ZFAT: variants seen among roughly 807,000 people sequenced by gnomAD.
ZFAT encodes zinc finger and AT-hook domain containing.
Under a neutral mutation model 117.7 loss-of-function variants are expected in ZFAT, and 64 were observed. That is an observed-to-expected ratio of 0.54 (90% CI 0.44 to 0.67). ZFAT has a LOEUF of 0.67. Ranked by LOEUF, ZFAT falls within the 30% of genes least tolerant of loss-of-function variation. The pLI is 0.00. For missense variants in ZFAT, 1,433 were observed against 1,584.5 expected (o/e 0.90, Z 1.62); for synonymous variants, 679 against 615.0 (o/e 1.10, Z -1.54).
chr8:134,543,899 C>T (rs1381852274), intron 11 of ZFAT, among the ~76,000 whole-genome samples: 1 of 152,122 alleles, frequency 6.6e-6, no homozygotes, highest in Non-Finnish European at 1.5e-5. Context: ...CCCTCTTATG[C>T]TTTGAAAGAA....
chr8:134,773,984 A>ATTTTTTTTTTTTTT, the ZFAT span, among the ~76,000 whole-genome samples: 72 of 103,280 alleles, frequency 7.0e-4, 7 homozygotes, highest in African/African-American at 2.7e-3. Flanking sequence ...TTGAGGATTA[A>ATTTTTTTTTTTTTT]TTTTTTTTTT....
chr8:134,503,649 C>T (rs1434310185), intron 15 of ZFAT, among the ~76,000 whole-genome samples: 5 of 152,140 alleles, frequency 3.3e-5, no homozygotes, highest in Admixed American at 3.3e-4. Flanking sequence ...ATCCAATCAG[C>T]TGATGGCCTA....
the ZFAT span, among the ~76,000 whole-genome samples, chr8:134,825,213 G>A: frequency 6.6e-6 from 1 of 152,204 alleles, no homozygotes; most frequent in Non-Finnish European, 1.5e-5. Context: ...ACTCTTCACA[G>A]TGAGAAGCGT....
chr8:134,809,295 A>G, the ZFAT span, among the ~76,000 whole-genome samples: 1 of 152,222 alleles, frequency 6.6e-6, no homozygotes, highest in Non-Finnish European at 1.5e-5. Flanking sequence ...GGGAGCCAGC[A>G]GTCTGTTTAA....
intron 1 of ZFAT, among the ~76,000 whole-genome samples, chr8:134,695,169 C>T (rs898251644): frequency 2.0e-5 from 3 of 152,164 alleles, no homozygotes; most frequent in Non-Finnish European, 4.4e-5. Context: ...CACTCCAGAC[C>T]CAGGGCAAGG....
chr8:134,740,975 G>A, the ZFAT span, among the ~76,000 whole-genome samples: 31 of 152,184 alleles, frequency 2.0e-4, 1 homozygote, highest in South Asian at 2.3e-3. Context: ...CTTGATGTGC[G>A]CCCTTTCTCC....
chr8:134,775,200 T>C, the ZFAT span, among the ~76,000 whole-genome samples: 1 of 152,196 alleles, frequency 6.6e-6, no homozygotes, highest in Non-Finnish European at 1.5e-5. Context: ...AATACCAATA[T>C]ATGAAGTCCC....
At chr8:134,610,736 G>A (rs748728498) in intron 3 of ZFAT, 81 bp from the exon 4 acceptor site, 43 of 1,493,656 alleles carry the variant, frequency 2.9e-5, no homozygotes, top group Non-Finnish European at 3.6e-5. Context: ...CTCTTTCACG[G>A]GACAGTAAAG....
rs1330864910 is a variant in ZFAT at position 134,610,599 on chromosome 8, C to A, written c.505G>T (p.Ala169Ser). ...KKCKEDDREK[A>S]SKRPRSQKTE... is the part of the protein sequence containing the mutation. ...TTCTGTGACCGTGGTCTTTTCGAGGCTTTTTCCCGATCATCTTCCTTACAC... is the reference window on the plus strand; with the variant it reads ...TTCTGTGACCGTGGTCTTTTCGAGGATTTTTCCCGATCATCTTCCTTACAC... Residue 169 changes from alanine (A) to serine (S), a missense_variant, in exon 4 of 16, where the codon GCC becomes TCC. By Grantham distance (99) the Ala-to-Ser change is moderately conservative. Coordinates refer to ENST00000377838, the MANE Select transcript of ZFAT (RefSeq NM_020863.4). 6.2e-7 allele frequency: 1 copy of A among 1,614,042 alleles called. No homozygotes were observed. Among genetic ancestry groups the A allele is most frequent in the African/African-American group, 1.3e-5 (1 of 74,906 alleles).
the ZFAT span, among the ~76,000 whole-genome samples, chr8:134,730,159 T>C: frequency 6.6e-6 from 1 of 152,156 alleles, no homozygotes; most frequent in Non-Finnish European, 1.5e-5. Context: ...ACAAAGGAAG[T>C]TCTGGGAATA....
intron 11 of ZFAT, among the ~76,000 whole-genome samples, chr8:134,554,486 C>T (rs1823415567): frequency 6.6e-6 from 1 of 152,186 alleles, no homozygotes; most frequent in Non-Finnish European, 1.5e-5. Context: ...ACCCATCAAC[C>T]TCTTCCCTGT....
chr8:134,534,226 T>C (rs1318141038), intron 11 of ZFAT, among the ~76,000 whole-genome samples: 2 of 152,220 alleles, frequency 1.3e-5, no homozygotes, highest in African/African-American at 4.8e-5. Context: ...TATAAACTGA[T>C]ACCTAAAATG....
rs779688387 is a variant in ZFAT at position 134,601,645 on chromosome 8, C to T, written c.2074G>A (p.Gly692Arg). 1.9e-6 allele frequency: 3 copies of T among 1,614,210 alleles called. No homozygotes were observed. Among genetic ancestry groups the T allele is most frequent in the Non-Finnish European group, 2.5e-6 (3 of 1,180,044 alleles). The change falls in exon 6 of 16, where the codon GGG becomes AGG. Residue 692 changes from glycine (G) to arginine (R), a missense_variant. Coordinates refer to ENST00000377838, the MANE Select transcript of ZFAT (RefSeq NM_020863.4). Reference sequence around the variant, plus strand: ...TCAGGCTGATGTGTGATGGTGTCCCCACCACCAGCTACTGGAGGGAGGAGG... The same window carrying T: ...TCAGGCTGATGTGTGATGGTGTCCCTACCACCAGCTACTGGAGGGAGGAGG... Reference protein sequence around the residue: ...SDLLPPVAGGGDTITHQPDSC... With the variant: ...SDLLPPVAGGRDTITHQPDSC...
chr8:134,591,107 C>T (rs1185979548), intron 7 of ZFAT, among the ~76,000 whole-genome samples: 1 of 152,134 alleles, frequency 6.6e-6, no homozygotes, highest in African/African-American at 2.4e-5. Context: ...ACTCTACAAC[C>T]CAAGAGCATA....
At chr8:134,482,228 C>A (rs1240245942) in intron 15 of ZFAT, among the ~76,000 whole-genome samples, 2 of 152,184 alleles carry the variant, frequency 1.3e-5, no homozygotes, top group Non-Finnish European at 2.9e-5. Flanking sequence ...CACTCCTGAG[C>A]TCCAGATCAT....
At chr8:134,518,491 G>A (rs1021662925) in intron 13 of ZFAT, among the ~76,000 whole-genome samples, 14 of 152,078 alleles carry the variant, frequency 9.2e-5, no homozygotes, top group African/African-American at 3.1e-4. Context: ...TCCATCCAGG[G>A]CTAATTTTAA....
chr8:134,770,460 C>T, the ZFAT span, among the ~76,000 whole-genome samples: 2 of 152,156 alleles, frequency 1.3e-5, no homozygotes, highest in East Asian at 3.8e-4. Flanking sequence ...TTAATCAATA[C>T]CTTTGTGATT....
At chr8:134,649,203 C>CATA (rs35498428) in intron 2 of ZFAT, among the ~76,000 whole-genome samples, 2 of 143,778 alleles carry the variant, frequency 1.4e-5, no homozygotes, top group Non-Finnish European at 3.0e-5. Context: ...ACACACACAC[C>CATA]CCATCATACT....
At chr8:134,563,749 T>C (rs1418552981) in intron 11 of ZFAT, among the ~76,000 whole-genome samples, 1 of 152,210 alleles carries the variant, frequency 6.6e-6, no homozygotes, top group African/African-American at 2.4e-5. Flanking sequence ...GTACAGTGCC[T>C]GCACGCAATG....
Sources: allele counts gnomAD v4.1 joint callset (sites outside exome capture counted in the v4.1 genomes callset), GRCh38; gene constraint gnomAD v4.1.1; transcripts MANE v1.5; gene names NCBI Gene and HGNC (gene_info 2026-07-23, HGNC 2026-07-21).